The following RBFOX1 variants were observed in gnomAD, a reference collection of about 807,000 sequenced individuals.
RBFOX1 encodes RNA binding fox-1 homolog 1.
In RBFOX1, 8 loss-of-function variants were observed where a neutral mutation model predicts 57.7. That is an observed-to-expected ratio of 0.14 (90% CI 0.08 to 0.25). The LOEUF (loss-of-function observed/expected upper bound fraction) is 0.25, where lower values mean the gene tolerates loss of function less well. RBFOX1 is among the 10% of genes least tolerant of loss of function. The pLI is 1.00. For missense variants in RBFOX1, 611 were observed against 548.5 expected, an observed-to-expected ratio of 1.11 and a Z score of -1.14; for synonymous variants, 326 against 222.4, an observed-to-expected ratio of 1.47 and a Z score of -4.15.
intron 2 of RBFOX1, among the ~76,000 whole-genome samples, chr16:6,626,019 A>C (rs536723202): frequency 6.6e-6 from 1 of 152,314 alleles, no homozygotes; most frequent in East Asian, 1.9e-4. Context: ...AATTATAGGA[A>C]TAAAGAAACA....
At chr16:7,546,994 A>T (rs535509671) in intron 5 of RBFOX1, among the ~76,000 whole-genome samples, 42 of 152,272 alleles carry the variant, frequency 2.8e-4, no homozygotes, top group Admixed American at 8.5e-4. Context: ...ATCACCCTCT[A>T]GAAAGATCAT....
intron 2 of RBFOX1, among the ~76,000 whole-genome samples, chr16:6,546,396 G>T (rs189110892): frequency 1.6e-4 from 24 of 152,320 alleles, no homozygotes; most frequent in Admixed American, 1.5e-3. Context: ...ACCATTCTGG[G>T]CCAAGGAGCC....
chr16:7,052,032 C>T (rs1183935977), intron 3 of RBFOX1, 25 bp from the exon 4 acceptor site: 5 of 1,560,474 alleles, frequency 3.2e-6, no homozygotes, highest in African/African-American at 1.4e-5. Flanking sequence ...TCTGACTTTT[C>T]CCCTTCATTT....
At chr16:5,971,447 T>C (rs1237668417) in intron 4 of RBFOX1, among the ~76,000 whole-genome samples, 9 of 152,200 alleles carry the variant, frequency 5.9e-5, no homozygotes, top group Admixed American at 5.9e-4. Context: ...TAATTTGTTT[T>C]TGTTTTTTTC....
chr16:7,017,515 C>G (rs552649408), intron 3 of RBFOX1, among the ~76,000 whole-genome samples: 1 of 152,272 alleles, frequency 6.6e-6, no homozygotes, highest in East Asian at 1.9e-4. Flanking sequence ...ACTCAGGAGT[C>G]TGCGTTTGGA....
chr16:6,586,063 G>C (rs144592005), intron 2 of RBFOX1, among the ~76,000 whole-genome samples: 1 of 152,254 alleles, frequency 6.6e-6, no homozygotes, highest in Non-Finnish European at 1.5e-5. Context: ...TAATAGTGAA[G>C]TTATGCTTAA....
At chr16:6,609,705 C>T (rs1014378025) in intron 2 of RBFOX1, among the ~76,000 whole-genome samples, 2 of 152,146 alleles carry the variant, frequency 1.3e-5, no homozygotes, top group South Asian at 2.1e-4. Flanking sequence ...CATAGATAAC[C>T]CCCTTTAAAA....
intron 4 of RBFOX1, among the ~76,000 whole-genome samples, chr16:7,064,786 C>G (rs955076385): frequency 6.6e-6 from 1 of 152,156 alleles, no homozygotes; most frequent in Non-Finnish European, 1.5e-5. Flanking sequence ...AAAAGCCCCC[C>G]GAACTTGATA....
intron 1 of RBFOX1, among the ~76,000 whole-genome samples, chr16:5,265,660 G>T (rs971108405): frequency 6.6e-6 from 1 of 152,142 alleles, no homozygotes; most frequent in African/African-American, 2.4e-5. Context: ...CTATATTCTT[G>T]AGTAAAGCAA....
chr16:5,347,767 C>T (rs866234594), intron 1 of RBFOX1, among the ~76,000 whole-genome samples: 4 of 150,296 alleles, frequency 2.7e-5, no homozygotes, highest in African/African-American at 9.8e-5. Flanking sequence ...TCCACCCACA[C>T]TTCCACCCAC....
intron 3 of RBFOX1, among the ~76,000 whole-genome samples, chr16:6,922,210 A>G (rs78837387): frequency 0.017 from 2,628 of 152,124 alleles, 82 homozygotes; most frequent in East Asian, 0.14. Flanking sequence ...TCTTGCTACA[A>G]TGGAGAGGTC....
intron 3 of RBFOX1, among the ~76,000 whole-genome samples, chr16:6,995,593 C>G (rs2092132209): frequency 6.6e-6 from 1 of 151,962 alleles, no homozygotes; most frequent in African/African-American, 2.4e-5. Context: ...AACCTTGTCT[C>G]TACTAAACAT....
At chr16:6,375,040 T>A (rs2090984680) in intron 2 of RBFOX1, among the ~76,000 whole-genome samples, 1 of 152,190 alleles carries the variant, frequency 6.6e-6, no homozygotes, top group African/African-American at 2.4e-5. Flanking sequence ...TTTTTACATT[T>A]CCTGCTTGAG....
At chr16:7,239,230 G>C (rs577229637) in intron 4 of RBFOX1, among the ~76,000 whole-genome samples, 24 of 152,294 alleles carry the variant, frequency 1.6e-4, no homozygotes, top group African/African-American at 5.8e-4. Context: ...AGGAAAAGGT[G>C]GAATCAGCCA....
At chr16:6,732,777 C>T (rs2069000838) in intron 3 of RBFOX1, among the ~76,000 whole-genome samples, 1 of 152,176 alleles carries the variant, frequency 6.6e-6, no homozygotes, top group African/African-American at 2.4e-5. Context: ...TGCTGCACAC[C>T]TACATTTTTG....
intron 4 of RBFOX1, among the ~76,000 whole-genome samples, chr16:7,355,182 G>A (rs2097193723): frequency 6.6e-6 from 1 of 152,124 alleles, no homozygotes; most frequent in African/African-American, 2.4e-5. Context: ...TGGGAGGCCT[G>A]GATTTGAATC....
intron 3 of RBFOX1, among the ~76,000 whole-genome samples, chr16:5,843,630 A>C (rs867214525): frequency 6.6e-5 from 10 of 152,336 alleles, no homozygotes; most frequent in Middle Eastern, 3.4e-3. Flanking sequence ...AATAGCAAAC[A>C]CATTATTATT....
intron 1 of RBFOX1, among the ~76,000 whole-genome samples, chr16:5,464,676 A>C (rs191677491): frequency 6.6e-5 from 10 of 152,354 alleles, no homozygotes; most frequent in Non-Finnish European, 1.2e-4. Context: ...TCATGTCTCC[A>C]GCATTCAGCC....
intron 1 of RBFOX1, among the ~76,000 whole-genome samples, chr16:6,077,568 C>G (rs2167472): frequency 0.68 from 103,913 of 151,922 alleles, 36,102 homozygotes; most frequent in Non-Finnish European, 0.76. Context: ...GAAAATTGCT[C>G]TTAAAACAAA....
Sources: gnomAD v4.1 joint callset for allele counts (sites outside exome capture counted in the v4.1 genomes callset) on GRCh38, gnomAD v4.1.1 for gene constraint, MANE v1.5 for transcripts, NCBI Gene and HGNC (gene_info 2026-07-23, HGNC 2026-07-21) for gene names.